Variants in PLD1 observed in about 807,000 individuals in gnomAD.
PLD1 encodes the protein phospholipase D1.
In PLD1, 112 loss-of-function variants were observed where a neutral mutation model predicts 137.1. The ratio of observed to expected loss-of-function variants is 0.82; its 90% CI spans 0.70 to 0.96. PLD1 has a LOEUF of 0.96. Among genes scored for constraint, PLD1 ranks in the 40% least tolerant of loss-of-function variants. The probability of loss-of-function intolerance (pLI) is 0.00; values close to 1 mark genes in which losing one functional copy is unlikely to be tolerated. For missense variants in PLD1, 1,321 were observed against 1,342.0 expected, an observed-to-expected ratio of 0.98 and a Z score of 0.24; for synonymous variants, 431 against 454.7, an observed-to-expected ratio of 0.95 and a Z score of 0.66.
intron 15 of PLD1, 39 bp downstream of exon 15, chr3:171,687,332 G>T: frequency 1.3e-6 from 2 of 1,497,654 alleles, no homozygotes; most frequent in Non-Finnish European, 1.9e-6. Context: ...GAAGAACAGT[G>T]GGTAGTTAAG....
intron 1 of PLD1, among the ~76,000 whole-genome samples, chr3:171,769,676 A>T (rs1248332111): frequency 6.6e-6 from 1 of 152,244 alleles, no homozygotes; most frequent in Non-Finnish European, 1.5e-5. Flanking sequence ...TGCAGCCATA[A>T]CATTGTAACT....
chr3:171,644,976 C>A lies in PLD1; in HGVS notation c.2477G>T (p.Gly826Val), dbSNP rs754650308. Residue 826 changes from glycine (G) to valine (V), a missense_variant, in exon 22 of 27, where the codon GGG becomes GTG. Physicochemically the swap from Gly to Val is moderately radical, Grantham distance 109. Coordinates refer to ENST00000351298, the MANE Select transcript of PLD1 (RefSeq NM_002662.5). Reference protein sequence around the residue: ...RVYVVIPLLPGFEGDISTGGG... With the variant: ...RVYVVIPLLPVFEGDISTGGG... ...GCCGGTTGAAATGTCTCCTTCGAAC[C>A]CTGGCAGAAGTGGTATCACGACATA... 1.2e-6 allele frequency: 2 copies of A among 1,613,952 alleles called. No homozygotes were observed. Among genetic ancestry groups the A allele is most frequent in the South Asian group, 1.1e-5 (1 of 91,062 alleles).
chr3:171,689,510 C>CCTTCCTTT (rs1560219323), intron 13 of PLD1, among the ~76,000 whole-genome samples: 6 of 149,656 alleles, frequency 4.0e-5, no homozygotes, highest in East Asian at 1.9e-4. Context: ...TTCCTTCCTT[C>CCTTCCTTT]CTTTCTTTCT....
intron 6 of PLD1, among the ~76,000 whole-genome samples, chr3:171,726,815 C>G (rs1414049205): frequency 6.6e-6 from 1 of 152,144 alleles, no homozygotes; most frequent in East Asian, 1.9e-4. Context: ...CATGCATTAT[C>G]TCAAACCCCT....
At chr3:171,635,260 G>A (rs1051079950) in intron 23 of PLD1, among the ~76,000 whole-genome samples, 1 of 152,210 alleles carries the variant, frequency 6.6e-6, no homozygotes, top group South Asian at 2.1e-4. Flanking sequence ...GTGGACATTT[G>A]TTTTTAATAT....
At chr3:171,724,595 A>G in intron 8 of PLD1, 101 bp downstream of exon 8, 1 of 706,884 alleles carries the variant, frequency 1.4e-6, no homozygotes, top group East Asian at 2.5e-5. Flanking sequence ...TTGTTCTGCC[A>G]TTGCTTTTAA....
intron 19 of PLD1, among the ~76,000 whole-genome samples, chr3:171,672,713 A>T (rs1712908201): frequency 6.6e-6 from 1 of 151,844 alleles, no homozygotes; most frequent in Non-Finnish European, 1.5e-5. Flanking sequence ...CTGGTCTTGG[A>T]CTCCTAGGCT....
chr3:171,664,659 A>C (rs944167151), intron 19 of PLD1, among the ~76,000 whole-genome samples: 5 of 151,862 alleles, frequency 3.3e-5, no homozygotes, highest in Admixed American at 1.3e-4. Context: ...GGGTTTTGCC[A>C]TGTTGGCCAG....
At chr3:171,706,124 G>GTCTATCTATCTATCTATCTATCTA (rs59943551) in intron 11 of PLD1, among the ~76,000 whole-genome samples, 6 of 146,774 alleles carry the variant, frequency 4.1e-5, no homozygotes, top group African/African-American at 2.5e-5. Context: ...GGGTCAGTCA[G>GTCTATCTATCTATCTATCTATCTA]TCTATCTATC....
intron 8 of PLD1, among the ~76,000 whole-genome samples, chr3:171,723,462 G>C (rs1718285775): frequency 6.6e-6 from 1 of 152,118 alleles, no homozygotes; most frequent in South Asian, 2.1e-4. Flanking sequence ...TTGATATACT[G>C]ATTTCCTTCT....
chr3:171,759,567 G>A (rs1484830321), intron 1 of PLD1, among the ~76,000 whole-genome samples: 1 of 152,102 alleles, frequency 6.6e-6, no homozygotes, highest in Admixed American at 6.5e-5. Flanking sequence ...GGGAAATTTG[G>A]GGAGCAGAAA....
intron 23 of PLD1, among the ~76,000 whole-genome samples, chr3:171,629,434 T>C (rs1249512238): frequency 6.6e-6 from 1 of 152,212 alleles, no homozygotes; most frequent in Admixed American, 6.5e-5. Flanking sequence ...ATGGCCATAC[T>C]GCACAAGGTA....
intron 19 of PLD1, among the ~76,000 whole-genome samples, chr3:171,663,967 C>T (rs1384557547): frequency 1.3e-5 from 2 of 152,080 alleles, no homozygotes; most frequent in East Asian, 3.9e-4. Flanking sequence ...AACTATACGG[C>T]CATTAAATCC....
Position 171,603,179 on chromosome 3 carries a change from C to T in PLD1, c.3124G>A (p.Gly1042Arg). The change falls in exon 27 of 27, where the codon GGA becomes AGA. Residue 1042 changes from glycine to arginine, a missense_variant. Coordinates refer to ENST00000351298, the MANE Select transcript of PLD1 (RefSeq NM_002662.5). ...TAAAAGGGGAATTGCACCAAAAATC[C>T]ACGGATCTTCTTCAGTTCCTCCTCA... is the stretch of plus-strand genomic sequence containing the variant. ...RAEEELKKIR[G>R]FLVQFPFYFL... The T allele has an allele frequency of 1.2e-6, 2 of 1,614,094 alleles. No individual in the cohort carries two copies. The highest frequency in any genetic ancestry group is 1.7e-6 in the Non-Finnish European group (2 of 1,179,964).
At chr3:171,746,237 G>A (rs1720165682) in intron 1 of PLD1, among the ~76,000 whole-genome samples, 1 of 152,200 alleles carries the variant, frequency 6.6e-6, no homozygotes, top group South Asian at 2.1e-4. Context: ...TGGTACCATT[G>A]ACTGCCCAAG....
intron 12 of PLD1, among the ~76,000 whole-genome samples, chr3:171,697,237 C>CTTTTTTT (rs34340739): frequency 5.1e-5 from 5 of 97,314 alleles, no homozygotes; most frequent in South Asian, 3.8e-4. Flanking sequence ...TTCCGGACAC[C>CTTTTTTT]TTTTTTTTTT....
At chr3:171,620,768 ATTATATATATT>A (rs1733561029) in intron 23 of PLD1, among the ~76,000 whole-genome samples, 7 of 97,910 alleles carry the variant, frequency 7.1e-5, no homozygotes, top group African/African-American at 1.4e-4. Flanking sequence ...ATATATATAT[ATTATATATATT>A]TTTTTTTTAA....
intron 1 of PLD1, among the ~76,000 whole-genome samples, chr3:171,759,600 A>G (rs1184846742): frequency 6.6e-6 from 1 of 152,230 alleles, no homozygotes; most frequent in Non-Finnish European, 1.5e-5. Context: ...AAGAAAAGGG[A>G]ACCTTCTAGT....
In PLD1 at chr3:171,645,005, C is replaced by G; in HGVS notation, c.2448G>C (p.Arg816=). Residue 816 remains arginine (R), a synonymous_variant, in exon 22 of 27, where the codon CGG becomes CGC. Transcript: ENST00000351298. The stretch of plus-strand genomic sequence containing the variant: ...GCAGAAGTGGTATCACGACATATAC[C>G]CGGTATTTCTGGTTTTCCCTGCAAA... ...LKAHRENQKY[R]VYVVIPLLPG... 1 of 1,612,842 alleles carries G rather than the reference C, an allele frequency of 6.2e-7. No homozygotes were observed. The highest frequency in any genetic ancestry group is 1.6e-4 in the Middle Eastern group (1 of 6,062).
Sources: allele counts gnomAD v4.1 joint callset (sites outside exome capture counted in the v4.1 genomes callset), GRCh38; gene constraint gnomAD v4.1.1; transcripts MANE v1.5; gene names NCBI Gene and HGNC (gene_info 2026-07-23, HGNC 2026-07-21).